Variants in DACH1 observed in about 807,000 individuals in gnomAD.
DACH1 encodes the protein dachshund homolog 1.
A neutral mutation model predicts 54.2 loss-of-function variants in DACH1; 12 were observed. The observed-to-expected ratio is 0.22, with a 90% CI of 0.14 to 0.36. DACH1 has a LOEUF of 0.36. Ranked by LOEUF, DACH1 falls within the 10% of genes least tolerant of loss-of-function variation. The pLI is 1.00. For synonymous variants in DACH1, 386 were observed against 366.2 expected (o/e 1.05, Z -0.62); for missense variants, 805 against 929.8 (o/e 0.87, Z 1.75).
At chr13:71,777,794 C>A (rs1025058758) in intron 1 of DACH1, among the ~76,000 whole-genome samples, 3 of 151,966 alleles carry the variant, frequency 2.0e-5, no homozygotes, top group African/African-American at 7.3e-5. Flanking sequence ...TCTCAACATT[C>A]ATATTGAGTA....
intron 1 of DACH1, among the ~76,000 whole-genome samples, chr13:71,864,055 C>T (rs7336343): frequency 0.37 from 55,172 of 150,098 alleles, 13,255 homozygotes; most frequent in East Asian, 0.77. Flanking sequence ...AAATATTTTA[C>T]ATTCTGCACG....
At chr13:71,570,463 T>A (rs1439174591) in intron 4 of DACH1, among the ~76,000 whole-genome samples, 1 of 152,158 alleles carries the variant, frequency 6.6e-6, no homozygotes, top group Admixed American at 6.5e-5. Context: ...ATAAAAACTA[T>A]CAGATTTTAC....
intron 2 of DACH1, among the ~76,000 whole-genome samples, chr13:71,675,621 A>C (rs1395286980): frequency 6.6e-6 from 1 of 152,114 alleles, no homozygotes; most frequent in Non-Finnish European, 1.5e-5. Context: ...GTGGAAAAAT[A>C]GGGGACAGAA....
intron 1 of DACH1, among the ~76,000 whole-genome samples, chr13:71,750,888 A>T (rs970709763): frequency 6.6e-6 from 1 of 152,172 alleles, no homozygotes; most frequent in African/African-American, 2.4e-5. Flanking sequence ...TTAAACCAGA[A>T]ATTCTTGATG....
intron 6 of DACH1, among the ~76,000 whole-genome samples, chr13:71,551,836 A>G (rs1265056805): frequency 1.3e-5 from 2 of 152,098 alleles, no homozygotes; most frequent in African/African-American, 4.8e-5. Flanking sequence ...TGCTAACTAC[A>G]TTATTGTCTT....
intron 1 of DACH1, among the ~76,000 whole-genome samples, chr13:71,856,207 C>T (rs2138277444): frequency 6.6e-6 from 1 of 151,988 alleles, no homozygotes; most frequent in South Asian, 2.1e-4. Context: ...CAGTTCATTC[C>T]TTTCCCATGG....
intron 3 of DACH1, among the ~76,000 whole-genome samples, chr13:71,580,493 C>G (rs1250773619): frequency 6.6e-6 from 1 of 151,932 alleles, no homozygotes; most frequent in Non-Finnish European, 1.5e-5. Flanking sequence ...CAAATGTTGC[C>G]CATGGCAAGG....
intron 1 of DACH1, among the ~76,000 whole-genome samples, chr13:71,738,268 G>A (rs1884225546): frequency 6.6e-6 from 1 of 152,126 alleles, no homozygotes; most frequent in South Asian, 2.1e-4. Context: ...GGTAAAACAA[G>A]GTGTACTTGG....
At chr13:71,608,446 C>T (rs931271460) in intron 3 of DACH1, among the ~76,000 whole-genome samples, 3 of 152,026 alleles carry the variant, frequency 2.0e-5, no homozygotes, top group Non-Finnish European at 4.4e-5. Flanking sequence ...TCTGACCTTA[C>T]TAGACTATCA....
Position 71,464,692 on chromosome 13 carries a change from A to T in DACH1, c.2083+10449T>A, listed in dbSNP as rs145843734. The T allele has an allele frequency of 1.6e-3, 727 of 452,876 alleles. 13 individuals are homozygous for T. In the East Asian group the frequency reaches 0.035, roughly 22 times the overall value. 28.1% of individuals were successfully genotyped at this position (452,876 alleles called of 1,614,324 possible). ...TGCTTCAGTGAGATTCATTCATTTA[A>T]TTTTAATTTCACTTTAACTGTTTTG... is the stretch of plus-strand genomic sequence containing the variant. On this transcript the variant is annotated intron_variant, in intron 10 of 10. Transcript: ENST00000613252.
intron 2 of DACH1, among the ~76,000 whole-genome samples, chr13:71,652,197 C>T (rs1878736087): frequency 6.6e-6 from 1 of 152,182 alleles, no homozygotes; most frequent in Non-Finnish European, 1.5e-5. Context: ...GCTGCCTCCT[C>T]ATCATCTAAA....
intron 1 of DACH1, among the ~76,000 whole-genome samples, chr13:71,703,601 C>G (rs1882274865): frequency 6.6e-6 from 1 of 152,184 alleles, no homozygotes; most frequent in Non-Finnish European, 1.5e-5. Flanking sequence ...AAATGAAGAG[C>G]ATATGTATGC....
At chr13:71,449,335 A>T (rs1752224665) in intron 10 of DACH1, among the ~76,000 whole-genome samples, 1 of 152,164 alleles carries the variant, frequency 6.6e-6, no homozygotes, top group African/African-American at 2.4e-5. Flanking sequence ...AAAAAGAAAA[A>T]AAAAGAAAGA....
intron 1 of DACH1, among the ~76,000 whole-genome samples, chr13:71,837,607 G>C (rs1052677323): frequency 2.0e-5 from 3 of 152,074 alleles, no homozygotes; most frequent in African/African-American, 7.2e-5. Context: ...TAAAGCGAAG[G>C]AATGATGGCA....
chr13:71,645,553 T>C (rs1156991921), intron 2 of DACH1, among the ~76,000 whole-genome samples: 1 of 152,128 alleles, frequency 6.6e-6, no homozygotes, highest in Non-Finnish European at 1.5e-5. Flanking sequence ...ATTAATCAGA[T>C]TTTTATGGGC....
chr13:71,778,735 T>C (rs955749927), intron 1 of DACH1, among the ~76,000 whole-genome samples: 2 of 152,130 alleles, frequency 1.3e-5, no homozygotes, highest in African/African-American at 4.8e-5. Context: ...GAATTTCATA[T>C]ATTTATCATT....
intron 1 of DACH1, among the ~76,000 whole-genome samples, chr13:71,818,840 T>C (rs1042711058): frequency 5.9e-5 from 9 of 152,208 alleles, no homozygotes; most frequent in African/African-American, 2.2e-4. Flanking sequence ...TATCAATATA[T>C]AGCAAGTTCC....
chr13:71,771,796 T>A (rs1296729288), intron 1 of DACH1, among the ~76,000 whole-genome samples: 1 of 150,852 alleles, frequency 6.6e-6, no homozygotes, highest in Admixed American at 6.6e-5. Context: ...ACACACACAC[T>A]CTTTATCTCA....
At chr13:71,851,486 C>T (rs1282973597) in intron 1 of DACH1, among the ~76,000 whole-genome samples, 3 of 151,920 alleles carry the variant, frequency 2.0e-5, no homozygotes, top group African/African-American at 4.8e-5. Flanking sequence ...AGTTTCTTTT[C>T]CTTTAGCTAA....
Sources: gnomAD v4.1 joint callset for allele counts (sites outside exome capture counted in the v4.1 genomes callset) on GRCh38, gnomAD v4.1.1 for gene constraint, MANE v1.5 for transcripts, NCBI Gene and HGNC (gene_info 2026-07-23, HGNC 2026-07-21) for gene names.